ACP3: variants seen among roughly 807,000 people sequenced by gnomAD.
ACP3 encodes the protein acid phosphatase 3.
ACP3 carries 38 observed loss-of-function variants against 45.6 expected under a neutral mutation model. The observed-to-expected ratio is 0.83, with a 90% CI of 0.64 to 1.09. ACP3 has a LOEUF of 1.09. ACP3 is among the 50% of genes least tolerant of loss of function. ACP3 has a pLI of 0.00. For missense variants in ACP3, 466 were observed against 463.2 expected, an observed-to-expected ratio of 1.01 and a Z score of -0.05; for synonymous variants, 162 against 164.7, an observed-to-expected ratio of 0.98 and a Z score of 0.13.
chr3:132,347,451 T>C (rs1312665032), intron 7 of ACP3, among the ~76,000 whole-genome samples: 2 of 152,078 alleles, frequency 1.3e-5, no homozygotes, highest in Non-Finnish European at 2.9e-5. Flanking sequence ...TTAGTTTGTT[T>C]TGTTTTTGTT....
At chr3:132,320,460 C>A (rs746437299) in intron 1 of ACP3, among the ~76,000 whole-genome samples, 7 of 152,038 alleles carry the variant, frequency 4.6e-5, no homozygotes, top group Non-Finnish European at 1.0e-4. Flanking sequence ...AGAAAAATGT[C>A]ATTTTAAAGC....
intron 8 of ACP3, 66 bp downstream of exon 8, chr3:132,350,068 C>A (rs754802514): frequency 1.0e-5 from 12 of 1,165,446 alleles, no homozygotes; most frequent in Middle Eastern, 1.9e-4. Context: ...AGCACAGGAC[C>A]TCATCTTTTT....
intron 4 of ACP3, among the ~76,000 whole-genome samples, chr3:132,335,411 A>G (rs368526143): frequency 1.3e-5 from 2 of 152,172 alleles, no homozygotes; most frequent in East Asian, 1.9e-4. Flanking sequence ...AAGGTGACAC[A>G]CAGAATCAGA....
chr3:132,345,088 T>C, intron 7 of ACP3, 29 bp downstream of exon 7: 1 of 1,598,358 alleles, frequency 6.3e-7, no homozygotes, highest in Non-Finnish European at 8.5e-7. Context: ...GAGGAGCATA[T>C]TGGATTTGTG....
At chr3:132,325,362 C>T (rs936893897) in intron 1 of ACP3, among the ~76,000 whole-genome samples, 7 of 152,206 alleles carry the variant, frequency 4.6e-5, no homozygotes, top group Middle Eastern at 3.4e-3. Context: ...TAGGGGAGTA[C>T]AATTATTTCT....
chr3:132,347,637 G>A (rs928023283), intron 7 of ACP3, among the ~76,000 whole-genome samples: 8 of 151,736 alleles, frequency 5.3e-5, no homozygotes, highest in African/African-American at 1.9e-4. Context: ...GCACCACCAT[G>A]CCCAGCTAAA....
intron 10 of ACP3, among the ~76,000 whole-genome samples, chr3:132,363,845 G>A (rs1938086762): frequency 6.6e-6 from 1 of 152,172 alleles, no homozygotes; most frequent in Admixed American, 6.5e-5. Flanking sequence ...GCTGAGACAG[G>A]AGAATTGCTT....
chr3:132,350,865 T>C (rs1415789605), intron 8 of ACP3, among the ~76,000 whole-genome samples: 2 of 152,178 alleles, frequency 1.3e-5, no homozygotes, highest in African/African-American at 4.8e-5. Flanking sequence ...ATAGAATAAC[T>C]GGATGTTGGG....
rs149109145 is a variant in ACP3 at position 132,317,538 on chromosome 3, C to T, written c.82C>T (p.Arg28Ter). The change falls in exon 1 of 10, where the codon CGA (arginine) becomes TGA (stop). Residue 28 changes from arginine to a stop codon, truncating the protein, a stop_gained. Transcript: ENST00000336375. LOFTEE classifies it high-confidence loss of function. The stretch of plus-strand genomic sequence containing the variant: ...GTTTCTGCTTTTTTTCTGGCTAGAC[C>T]GAAGTGTACTAGCCAAGGAGTTGAA... ...FLFLLFFWLD[R>*]SVLAKELKFV... The T allele has an allele frequency of 1.3e-5, 21 of 1,613,572 alleles. No individual in the cohort carries two copies. The highest frequency in any genetic ancestry group is 1.6e-5 in the Non-Finnish European group (19 of 1,179,768).
At chr3:132,334,654 A>G (rs1213070467) in intron 4 of ACP3, among the ~76,000 whole-genome samples, 1 of 152,154 alleles carries the variant, frequency 6.6e-6, no homozygotes, top group African/African-American at 2.4e-5. Context: ...CAAAAACACG[A>G]CCATGAGTGA....
intron 7 of ACP3, 100 bp from the exon 8 acceptor site, chr3:132,349,820 T>A: frequency 1.3e-6 from 1 of 757,616 alleles, no homozygotes; most frequent in South Asian, 1.6e-5. Flanking sequence ...TCTTAAGTCA[T>A]GGCAGGGAGA....
At chr3:132,352,473 C>T (rs1304543263) in intron 8 of ACP3, among the ~76,000 whole-genome samples, 1 of 151,818 alleles carries the variant, frequency 6.6e-6, no homozygotes, top group African/African-American at 2.4e-5. Flanking sequence ...GCTGGGATTA[C>T]AGGCATGAGC....
chr3:132,356,654 A>C (rs1559843644), intron 9 of ACP3, 32 bp from the exon 10 acceptor site: 1 of 1,612,646 alleles, frequency 6.2e-7, no homozygotes, highest in Non-Finnish European at 8.5e-7. Flanking sequence ...CACAGAACTA[A>C]CAGAGCTCTC....
At chr3:132,364,893 A>G (rs1300406100) in intron 10 of ACP3, among the ~76,000 whole-genome samples, 2 of 152,252 alleles carry the variant, frequency 1.3e-5, no homozygotes, top group Non-Finnish European at 2.9e-5. Context: ...AAGGATCACT[A>G]CTATCTGCCT....
At chr3:132,361,217 T>C (rs1938034955), downstream of ACP3, among the ~76,000 whole-genome samples, 1 of 152,198 alleles carries the variant, frequency 6.6e-6, no homozygotes, top group Admixed American at 6.5e-5. Context: ...TGTTCAATGA[T>C]ATCCCTTGTT....
intron 9 of ACP3, among the ~76,000 whole-genome samples, chr3:132,353,771 T>A (rs1937814900): frequency 6.6e-6 from 1 of 152,212 alleles, no homozygotes; most frequent in Non-Finnish European, 1.5e-5. Flanking sequence ...TAATAATGTT[T>A]AAACAATGGG....
chr3:132,321,927 G>A (rs1330565655), intron 1 of ACP3, among the ~76,000 whole-genome samples: 1 of 152,082 alleles, frequency 6.6e-6, no homozygotes, highest in Non-Finnish European at 1.5e-5. Flanking sequence ...CATATCAAAT[G>A]CATCCGGTGT....
At chr3:132,343,460 T>G (rs139195663) in intron 6 of ACP3, among the ~76,000 whole-genome samples, 85 of 152,336 alleles carry the variant, frequency 5.6e-4, no homozygotes, top group African/African-American at 1.9e-3. Flanking sequence ...ACTATTTCAG[T>G]GAAAATTCAT....
intron 4 of ACP3, among the ~76,000 whole-genome samples, chr3:132,335,371 G>T (rs1937471726): frequency 6.6e-6 from 1 of 152,158 alleles, no homozygotes; most frequent in South Asian, 2.1e-4. Flanking sequence ...GATGGTAAAA[G>T]ATGTTAGAGG....
Sources: allele counts gnomAD v4.1 joint callset (sites outside exome capture counted in the v4.1 genomes callset), GRCh38; gene constraint gnomAD v4.1.1; transcripts MANE v1.5; gene names NCBI Gene and HGNC (gene_info 2026-07-23, HGNC 2026-07-21).